SLC7A11: variants seen among roughly 807,000 people sequenced by gnomAD.
The protein encoded by SLC7A11 is cystine/glutamate transporter.
Under a neutral mutation model 54.5 loss-of-function variants are expected in SLC7A11, and 35 were observed. That is an observed-to-expected ratio of 0.64 (90% CI 0.49 to 0.85). The LOEUF (loss-of-function observed/expected upper bound fraction) is 0.85, where lower values mean the gene tolerates loss of function less well. SLC7A11 is among the 40% of genes least tolerant of loss of function. SLC7A11 has a pLI of 0.00. For synonymous variants in SLC7A11, 230 were observed against 225.2 expected (o/e 1.02, Z -0.19); for missense variants, 583 against 618.1 (o/e 0.94, Z 0.60).
Position 138,168,524 on chromosome 4 carries a change from A to T in SLC7A11, c.*3432T>A, listed in dbSNP as rs1437267700. The stretch of plus-strand genomic sequence containing the variant: ...TTTTCCTGTAGACTGATTACAGTTC[A>T]TGAGGAATTCTGTTATGTAATTATA... On this transcript the variant is annotated 3_prime_UTR_variant, in exon 12 of 12. Transcript: ENST00000280612. 6.6e-6 allele frequency: 1 copy of T among 152,192 alleles called. No individual in the cohort carries two copies. Among genetic ancestry groups the T allele is most frequent in the African/African-American group, 2.4e-5 (1 of 41,432 alleles). The allele number at this position is 152,192 out of a possible 1,614,324, so 9.4% of individuals were successfully genotyped here.
In SLC7A11 at chr4:138,242,288, C is replaced by T. The variant is rs1179045610; in HGVS notation, c.-219G>A. ...CTGTGTATGCATCGTGCTCTCAATT[C>T]TCCACCTCCTCGTTCCACCACTGCT... On this transcript the variant is annotated 5_prime_UTR_variant, in exon 1 of 12. Transcript: ENST00000280612. The T allele has an allele frequency of 5.2e-6, 3 of 576,968 alleles. No individual in the cohort carries two copies. Among genetic ancestry groups the T allele is most frequent in the Non-Finnish European group, 9.2e-6 (3 of 325,926 alleles). The allele number at this position is 576,968 out of a possible 1,614,324, so 35.7% of individuals were successfully genotyped here. A position where few individuals can be genotyped will look rare whatever the true frequency, so the allele number is the denominator to read the frequency against.
intron 11 of SLC7A11, 96 bp from the exon 12 acceptor site, chr4:138,172,113 A>T: frequency 8.0e-7 from 1 of 1,249,544 alleles, no homozygotes; most frequent in Non-Finnish European, 1.1e-6. Flanking sequence ...TACCAAAAAC[A>T]CACAACTGTC....
intron 6 of SLC7A11, among the ~76,000 whole-genome samples, chr4:138,190,173 G>A (rs1736974961): frequency 6.6e-6 from 1 of 152,090 alleles, no homozygotes; most frequent in Non-Finnish European, 1.5e-5. Context: ...GTTCTGGAGA[G>A]AAATGGTTGA....
intron 6 of SLC7A11, among the ~76,000 whole-genome samples, chr4:138,204,087 C>T (rs1422449903): frequency 6.6e-6 from 1 of 152,028 alleles, no homozygotes; most frequent in Non-Finnish European, 1.5e-5. Flanking sequence ...TACTCTTCCT[C>T]CAACTTTCTT....
At chr4:138,211,848 G>A (rs911161806) in intron 6 of SLC7A11, among the ~76,000 whole-genome samples, 1 of 151,876 alleles carries the variant, frequency 6.6e-6, no homozygotes, top group African/African-American at 2.4e-5. Context: ...CCCTATGGAG[G>A]TAGAGTAAAA....
At chr4:138,213,569 A>C (rs1737606872) in intron 6 of SLC7A11, among the ~76,000 whole-genome samples, 1 of 132,274 alleles carries the variant, frequency 7.6e-6, no homozygotes. Flanking sequence ...CTCCTCCCAT[A>C]CCCCTCTTCT....
In SLC7A11 at chr4:138,164,101, G is replaced by GTAAAC. The variant is rs1185582983; in HGVS notation, c.*7850_*7854dup. The stretch of plus-strand genomic sequence containing the variant: ...AGCAAAACATGACGACATTTATTAT[G>GTAAAC]TAAACTATCAAATGTTTATTTAAAT... On this transcript the variant is annotated 3_prime_UTR_variant, in exon 12 of 12. Transcript: ENST00000280612. 5 of 152,462 alleles carry GTAAAC rather than the reference G, an allele frequency of 3.3e-5. No individual in the cohort carries two copies. Among genetic ancestry groups the GTAAAC allele is most frequent in the African/African-American group, 1.2e-4 (5 of 41,416 alleles). 9.4% of individuals were successfully genotyped at this position (152,462 alleles called of 1,614,324 possible).
At chr4:138,197,669 T>A (rs11726904) in intron 6 of SLC7A11, among the ~76,000 whole-genome samples, 63 of 151,870 alleles carry the variant, frequency 4.1e-4, no homozygotes, top group African/African-American at 1.3e-3. Context: ...CTTCATCCAC[T>A]TGAACAGCTA....
intron 4 of SLC7A11, among the ~76,000 whole-genome samples, chr4:138,221,580 A>C (rs1401290652): frequency 6.6e-6 from 1 of 152,054 alleles, no homozygotes; most frequent in Non-Finnish European, 1.5e-5. Context: ...ATCTCTGAAT[A>C]AGCCTGTCAC....
rs1417220488 is a variant in SLC7A11, at chr4:138,165,186, ATAAAG to A, written c.*6765_*6769del. On this transcript the variant is annotated 3_prime_UTR_variant, in exon 12 of 12. Transcript: ENST00000280612. ...GACAAAGCTTTCTAAAACCATCTTTATAAAGTAAATTCAGATATGCTTACAATAAA... is the reference window on the plus strand; with the variant it reads ...GACAAAGCTTTCTAAAACCATCTTTATAAATTCAGATATGCTTACAATAAA... The A allele has an allele frequency of 6.6e-6, 1 of 152,616 alleles. No individual in the cohort carries two copies. The highest frequency in any genetic ancestry group is 1.5e-5 in the Non-Finnish European group (1 of 68,016). The allele number at this position is 152,616 out of a possible 1,614,324, so 9.5% of individuals were successfully genotyped here.
intron 9 of SLC7A11, among the ~76,000 whole-genome samples, chr4:138,181,269 A>T (rs556582066): frequency 9.9e-5 from 15 of 152,106 alleles, no homozygotes; most frequent in Non-Finnish European, 1.6e-4. Flanking sequence ...ACAGACACTC[A>T]TAGGTGATTC....
Position 138,237,737 on chromosome 4 carries a change from A to ATTT in SLC7A11, c.278-1289_278-1287dup, listed in dbSNP as rs1169641615. Among the ~76,000 whole-genome samples the ATTT allele has an allele frequency of 9.2e-4, 9 of 9,832 alleles. 1 individual carries two copies. The highest frequency in any genetic ancestry group is 1.0e-3 in the Non-Finnish European group (6 of 6,020). 6.5% of individuals were successfully genotyped at this position (9,832 alleles called of 152,430 possible). A position where few individuals can be genotyped will look rare whatever the true frequency, so the allele number is the denominator to read the frequency against. On this transcript the variant is annotated intron_variant, in intron 1 of 11. Transcript: ENST00000280612. ...TATATATATATATATATATATATAT[A>ATTT]TTTTTTTTTTTTTTTTTTTTTTTTT...
chr4:138,204,317 T>C (rs1437980103), intron 6 of SLC7A11, among the ~76,000 whole-genome samples: 1 of 152,076 alleles, frequency 6.6e-6, no homozygotes, highest in East Asian at 1.9e-4. Flanking sequence ...GAAGATAATA[T>C]ACATCATGTT....
intron 1 of SLC7A11, among the ~76,000 whole-genome samples, chr4:138,241,112 G>T (rs1738367015): frequency 6.6e-6 from 1 of 152,140 alleles, no homozygotes; most frequent in Non-Finnish European, 1.5e-5. Context: ...CCCAACTGAA[G>T]TTTTAAAACT....
intron 3 of SLC7A11, among the ~76,000 whole-genome samples, chr4:138,223,781 T>C (rs1737875623): frequency 2.0e-5 from 3 of 152,146 alleles, no homozygotes. Context: ...GTGTAGAAGT[T>C]GGCTCAGATC....
At chr4:138,181,745 G>C (rs967541201) in intron 9 of SLC7A11, among the ~76,000 whole-genome samples, 3 of 152,036 alleles carry the variant, frequency 2.0e-5, no homozygotes, top group Non-Finnish European at 2.9e-5. Flanking sequence ...TTCACACTTT[G>C]CTCTGCAGAA....
intron 6 of SLC7A11, among the ~76,000 whole-genome samples, chr4:138,198,842 A>C (rs1182693968): frequency 6.6e-6 from 1 of 152,192 alleles, no homozygotes; most frequent in Non-Finnish European, 1.5e-5. Flanking sequence ...GCACATCCCC[A>C]CAAAGAAATA....
Position 138,170,826 on chromosome 4 carries a change from A to C in SLC7A11, c.*1130T>G, listed in dbSNP as rs760331717. ...TTATTTACAGCGACATTTCTTTTGC[A>C]ATTTTTATGTTAATATATGCCTTTT... On this transcript the variant is annotated 3_prime_UTR_variant, in exon 12 of 12. Transcript: ENST00000280612. 5 of 152,196 alleles carry C rather than the reference A, an allele frequency of 3.3e-5. No homozygotes were observed. The highest frequency in any genetic ancestry group is 7.3e-5 in the Non-Finnish European group (5 of 68,032). 9.4% of individuals were successfully genotyped at this position (152,196 alleles called of 1,614,324 possible). A position where few individuals can be genotyped will look rare whatever the true frequency, so the allele number is the denominator to read the frequency against.
chr4:138,199,051 T>C (rs1214589945), intron 6 of SLC7A11, among the ~76,000 whole-genome samples: 1 of 152,098 alleles, frequency 6.6e-6, no homozygotes, highest in Non-Finnish European at 1.5e-5. Flanking sequence ...ACAGCAGTAA[T>C]GATACAGACA....
Sources: allele counts gnomAD v4.1 joint callset (sites outside exome capture counted in the v4.1 genomes callset), GRCh38; gene constraint gnomAD v4.1.1; transcripts MANE v1.5; gene names NCBI Gene and HGNC (gene_info 2026-07-23, HGNC 2026-07-21).